Variants in WDFY2 observed in about 807,000 individuals in gnomAD.
WDFY2 encodes the protein WD repeat and FYVE domain-containing protein 2.
Under a neutral mutation model 56.4 loss-of-function variants are expected in WDFY2, and 36 were observed. The ratio of observed to expected loss-of-function variants is 0.64; its 90% CI spans 0.49 to 0.84. WDFY2 has a LOEUF of 0.84. Among genes scored for constraint, WDFY2 ranks in the 40% least tolerant of loss-of-function variants. The pLI is 0.00. For synonymous variants in WDFY2, 176 were observed against 183.7 expected, an observed-to-expected ratio of 0.96 and a Z score of 0.34; for missense variants, 444 against 512.2, an observed-to-expected ratio of 0.87 and a Z score of 1.29.
At chr13:51,753,010 A>G (rs1271711996) in intron 8 of WDFY2, 1 of 152,230 alleles carries the variant, frequency 6.6e-6, no homozygotes, top group African/African-American at 2.4e-5. Context: ...TCAGAATTCT[A>G]TTAAATGGTG....
intron 1 of WDFY2, among the ~76,000 whole-genome samples, chr13:51,596,822 A>T (rs1399553009): frequency 6.6e-6 from 1 of 152,222 alleles, no homozygotes; most frequent in East Asian, 1.9e-4. Flanking sequence ...TATTTACAGG[A>T]AAAAAGGCAG....
At chr13:51,620,808 T>C (rs9535720) in intron 1 of WDFY2, among the ~76,000 whole-genome samples, 64,675 of 151,816 alleles carry the variant, frequency 0.43, 14,009 homozygotes, top group Admixed American at 0.53. Context: ...CAGAACCCCT[T>C]ACATGTCAAT....
intron 1 of WDFY2, among the ~76,000 whole-genome samples, chr13:51,608,595 C>T (rs573009350): frequency 3.9e-5 from 6 of 152,190 alleles, no homozygotes; most frequent in Non-Finnish European, 7.3e-5. Context: ...GCAGGACAAT[C>T]GCTTGCACCT....
Position 51,756,360 on chromosome 13 carries a change from T to C in WDFY2, c.962T>C (p.Val321Ala), listed in dbSNP as rs1176618277. The C allele has an allele frequency of 3.1e-6, 5 of 1,613,802 alleles. No homozygotes were observed. The highest frequency in any genetic ancestry group is 4.2e-6 in the Non-Finnish European group (5 of 1,179,888). Residue 321 changes from valine to alanine, a missense_variant, in exon 10 of 12, where the codon GTC becomes GCC. By Grantham distance (64) the Val-to-Ala change is moderately conservative (BLOSUM62 0). Transcript: ENST00000298125. ...CACTGCCGCAAGTGTGGGAAGGCCG[T>C]CTGTGGCAAGTGCAGCTCCAAGCGC... ...QHHCRKCGKA[V>A]CGKCSSKRSS...
intron 1 of WDFY2, chr13:51,586,881 A>T (rs891454725): frequency 2.0e-5 from 3 of 152,146 alleles, no homozygotes; most frequent in Admixed American, 2.0e-4. Flanking sequence ...TCTTTGGGTC[A>T]TATACTCAAA....
intron 1 of WDFY2, among the ~76,000 whole-genome samples, chr13:51,651,929 A>C (rs959345865): frequency 5.9e-5 from 9 of 152,160 alleles, no homozygotes; most frequent in Non-Finnish European, 7.3e-5. Flanking sequence ...CTTGGTGCAG[A>C]GCTGAGTTCA....
At chr13:51,732,341 G>T (rs1179966411) in intron 6 of WDFY2, among the ~76,000 whole-genome samples, 1 of 152,086 alleles carries the variant, frequency 6.6e-6, no homozygotes, top group African/African-American at 2.4e-5. Flanking sequence ...ATGTTGGCCA[G>T]GCTCCTGACC....
chr13:51,612,392 T>C (rs1232356671), intron 1 of WDFY2, among the ~76,000 whole-genome samples: 1 of 152,210 alleles, frequency 6.6e-6, no homozygotes, highest in Admixed American at 6.5e-5. Context: ...CTTACTGATA[T>C]CTTGTTACCA....
At chr13:51,721,306 AG>A (rs1952484381) in intron 5 of WDFY2, among the ~76,000 whole-genome samples, 1 of 152,096 alleles carries the variant, frequency 6.6e-6, no homozygotes, top group Non-Finnish European at 1.5e-5. Context: ...TCCTTCAAGA[AG>A]GAACTAATGG....
chr13:51,734,096 G>GCAC (rs1221660107), intron 6 of WDFY2, among the ~76,000 whole-genome samples: 1 of 152,100 alleles, frequency 6.6e-6, no homozygotes, highest in Non-Finnish European at 1.5e-5. Flanking sequence ...TTACCCTTGA[G>GCAC]GGTGTGGTGT....
chr13:51,639,174 C>CT (rs1488241193), intron 1 of WDFY2, among the ~76,000 whole-genome samples: 1 of 152,096 alleles, frequency 6.6e-6, no homozygotes, highest in Non-Finnish European at 1.5e-5. Flanking sequence ...TTCATCTGCA[C>CT]TTTTTTACAC....
chr13:51,706,722 CT>C (rs1952089680), intron 4 of WDFY2, among the ~76,000 whole-genome samples: 1 of 152,128 alleles, frequency 6.6e-6, no homozygotes, highest in Admixed American at 6.5e-5. Context: ...CGGTTACTTG[CT>C]AGAAATCAAT....
intron 6 of WDFY2, among the ~76,000 whole-genome samples, chr13:51,736,155 A>C (rs1197587431): frequency 6.6e-6 from 1 of 152,200 alleles, no homozygotes; most frequent in Non-Finnish European, 1.5e-5. Context: ...TACTGTAATC[A>C]TAGCTGACAT....
intron 1 of WDFY2, among the ~76,000 whole-genome samples, chr13:51,595,415 T>TA (rs1379827834): frequency 6.6e-6 from 1 of 152,206 alleles, no homozygotes; most frequent in African/African-American, 2.4e-5. Flanking sequence ...GGTTTAAACA[T>TA]ATGGACTTCA....
chr13:51,708,125 A>G (rs1438059123), intron 4 of WDFY2, among the ~76,000 whole-genome samples: 1 of 150,622 alleles, frequency 6.6e-6, no homozygotes, highest in Non-Finnish European at 1.5e-5. Flanking sequence ...TTTGCGATCC[A>G]CCTGCCTTGG....
intron 3 of WDFY2, among the ~76,000 whole-genome samples, chr13:51,694,161 T>C (rs1287156490): frequency 1.3e-5 from 2 of 152,210 alleles, no homozygotes; most frequent in Non-Finnish European, 2.9e-5. Context: ...TGTCTCTTAA[T>C]TGGAGCATTT....
At chr13:51,746,113 T>C (rs1200368946) in intron 7 of WDFY2, among the ~76,000 whole-genome samples, 1 of 151,728 alleles carries the variant, frequency 6.6e-6, no homozygotes, top group Admixed American at 6.6e-5. Flanking sequence ...GTAGCTGGGA[T>C]TACATGGGAT....
intron 10 of WDFY2, 71 bp downstream of exon 10, chr13:51,756,533 C>A: frequency 6.6e-7 from 1 of 1,524,168 alleles, no homozygotes; most frequent in Non-Finnish European, 8.8e-7. Flanking sequence ...CACTCAGCGC[C>A]GCAACCATCA....
intron 3 of WDFY2, among the ~76,000 whole-genome samples, chr13:51,690,217 T>A (rs1221773646): frequency 2.6e-5 from 4 of 151,096 alleles, no homozygotes; most frequent in Admixed American, 2.6e-4. Flanking sequence ...TATTATACTT[T>A]AAGTTTTAGG....
Sources: allele counts gnomAD v4.1 joint callset (sites outside exome capture counted in the v4.1 genomes callset), GRCh38; gene constraint gnomAD v4.1.1; transcripts MANE v1.5; gene names NCBI Gene and HGNC (gene_info 2026-07-23, HGNC 2026-07-21).